CLEC20A: variants seen among roughly 807,000 people sequenced by gnomAD.
CLEC20A encodes the protein putative C-type lectin domain family 20 member A.
At chr1:178,492,701 C>T in intron 2 of CLEC20A, 135 bp from the exon 3 acceptor site, 1 of 397,094 alleles carries the variant, frequency 2.5e-6, no homozygotes, top group Non-Finnish European at 4.4e-6. Context: ...TCGATTCAAT[C>T]CATTCAATAA....
At chr1:178,486,949 T>C in intron 5 of CLEC20A, 1 of 396,646 alleles carries the variant, frequency 2.5e-6, no homozygotes, top group African/African-American at 2.1e-5. Context: ...AGCGCGCGAG[T>C]AGGAGGTGCG....
chr1:178,482,430 T>C (rs1200526979), intron 6 of CLEC20A, 33 bp from the exon 7 acceptor site: 3 of 398,416 alleles, frequency 7.5e-6, no homozygotes, highest in African/African-American at 4.1e-5. Context: ...TTCAGGGGGA[T>C]ATTATCCTAT....
chr1:178,483,144 G>C (rs1649034668), intron 6 of CLEC20A, 31 bp downstream of exon 6: 1 of 398,442 alleles, frequency 2.5e-6, no homozygotes, highest in South Asian at 1.3e-4. Context: ...CCACTGGTAA[G>C]AGTAGGAACT....
chr1:178,482,934 G>A (rs1049125972), intron 6 of CLEC20A: 5 of 351,560 alleles, frequency 1.4e-5, no homozygotes, highest in Non-Finnish European at 2.5e-5. Context: ...GATATAGGCA[G>A]GGTAGTTTTT....
intron 4 of CLEC20A, among the ~76,000 whole-genome samples, chr1:178,489,856 T>C (rs1649230832): frequency 6.6e-6 from 1 of 152,240 alleles, no homozygotes; most frequent in African/African-American, 2.4e-5. Flanking sequence ...ATCCGTTCCA[T>C]TATTTAAAGA....
Position 178,488,496 on chromosome 1 carries a change from A to C in CLEC20A, c.928+5T>G. ...CAGATCCAGCCAAGGGCAGGCTCAA[A>C]GCACCTCTGCCTGGCCTGGGAGTTG... On this transcript the variant is annotated splice_donor_5th_base_variant and intron_variant, in intron 5 of 7. Transcript: ENST00000623247. 1 of 398,798 alleles carries C rather than the reference A, an allele frequency of 2.5e-6. No homozygotes were observed. Among genetic ancestry groups the C allele is most frequent in the Non-Finnish European group, 4.4e-6 (1 of 226,154 alleles). The allele number at this position is 398,798 out of a possible 1,614,324, so 24.7% of individuals were successfully genotyped here.
intron 2 of CLEC20A, among the ~76,000 whole-genome samples, chr1:178,493,101 G>A (rs925555477): frequency 3.3e-5 from 5 of 152,176 alleles, no homozygotes; most frequent in Non-Finnish European, 7.4e-5. Flanking sequence ...GAGAGACAGC[G>A]CTGACTTGAC....
intron 1 of CLEC20A, chr1:178,495,779 G>A (rs1333756204): frequency 1.3e-5 from 2 of 152,102 alleles, no homozygotes; most frequent in Non-Finnish European, 2.9e-5. Flanking sequence ...CAAGCCCCAA[G>A]ATCTGTGTTC....
intron 7 of CLEC20A, chr1:178,481,647 A>C (rs1270687684): frequency 1.3e-5 from 2 of 152,214 alleles, no homozygotes; most frequent in Non-Finnish European, 2.9e-5. Flanking sequence ...AGAACACTAC[A>C]GTGATAATGT....
intron 1 of CLEC20A, chr1:178,496,684 C>T (rs778515276): frequency 1.8e-4 from 72 of 396,914 alleles, no homozygotes; most frequent in Non-Finnish European, 2.5e-4. Context: ...TGACTGCTGC[C>T]TTCTGGACGC....
At chr1:178,487,024 T>C in intron 5 of CLEC20A, 1 of 392,288 alleles carries the variant, frequency 2.5e-6, no homozygotes. Context: ...AGCCGGGCCC[T>C]GCGAGGCGCC....
At chr1:178,494,708 G>A (rs149214064) in exon 2 of CLEC20A, 62 of 399,330 alleles carry the variant, frequency 1.6e-4, no homozygotes, top group Non-Finnish European at 2.6e-4. Context: ...CTGCAGGTCA[G>A]CGAGGTCTGT....
chr1:178,486,024 A>C (rs1186334404), intron 5 of CLEC20A, among the ~76,000 whole-genome samples: 1 of 152,184 alleles, frequency 6.6e-6, no homozygotes, highest in Non-Finnish European at 1.5e-5. Context: ...GAGAAAAATA[A>C]GGTTCAGAGA....
intron 5 of CLEC20A, among the ~76,000 whole-genome samples, chr1:178,487,225 C>G (rs560982180): frequency 6.6e-6 from 1 of 152,316 alleles, no homozygotes; most frequent in African/African-American, 2.4e-5. Context: ...CCTCCTGAAC[C>G]CAATAGCGCG....
chr1:178,492,657 CA>C (rs1649292777), intron 2 of CLEC20A, 91 bp from the exon 3 acceptor site: 2 of 398,172 alleles, frequency 5.0e-6, no homozygotes, highest in Admixed American at 4.4e-5. Flanking sequence ...AAACCTAGCT[CA>C]GGGGCAGACA....
At chr1:178,496,950 T>C (rs1359471294), upstream of CLEC20A, 2 of 399,940 alleles carry the variant, frequency 5.0e-6, no homozygotes, top group Non-Finnish European at 8.8e-6. Context: ...GGCTGGGCAC[T>C]GGCTGGGCGA....
chr1:178,483,107 A>C (rs1649034233), intron 6 of CLEC20A, 68 bp downstream of exon 6: 3 of 398,064 alleles, frequency 7.5e-6, no homozygotes, highest in African/African-American at 2.1e-5. Flanking sequence ...CCCTGTGCCA[A>C]GGAGTGACTG....
chr1:178,479,297 A>C (rs1035405167), exon 8 of CLEC20A: 7 of 328,188 alleles, frequency 2.1e-5, no homozygotes, highest in Non-Finnish European at 3.3e-5. Context: ...TTCATTTGTC[A>C]TTCCCAACAT....
chr1:178,486,993 C>CT, intron 5 of CLEC20A: 2 of 395,120 alleles, frequency 5.1e-6, no homozygotes, highest in Non-Finnish European at 8.9e-6. Flanking sequence ...GGCTGCCCCT[C>CT]TGAGTGAGCC....
Sources: allele counts gnomAD v4.1 joint callset (sites outside exome capture counted in the v4.1 genomes callset), GRCh38; gene constraint gnomAD v4.1.1; transcripts MANE v1.5; gene names NCBI Gene and HGNC (gene_info 2026-07-23, HGNC 2026-07-21).